Variants in NCEH1 observed in about 807,000 individuals in gnomAD.
The protein encoded by NCEH1 is 2-acetyl MAGE hydrolase.
In NCEH1, 9 loss-of-function variants were observed where a neutral mutation model predicts 25.4. The observed-to-expected ratio is 0.35, with a 90% CI of 0.21 to 0.62. The LOEUF (loss-of-function observed/expected upper bound fraction) is 0.62. NCEH1 is among the 20% of genes least tolerant of loss of function. The probability of loss-of-function intolerance (pLI) is 0.72; values close to 1 mark genes in which losing one functional copy is unlikely to be tolerated. For synonymous variants in NCEH1, 200 were observed against 199.8 expected, an observed-to-expected ratio of 1.00 and a Z score of -0.01; for missense variants, 412 against 501.1, an observed-to-expected ratio of 0.82 and a Z score of 1.70.
chr3:172,704,301 C>T (rs1713859826), intron 1 of NCEH1, among the ~76,000 whole-genome samples: 1 of 152,220 alleles, frequency 6.6e-6, no homozygotes, highest in Non-Finnish European at 1.5e-5. Context: ...AGGGGGAACA[C>T]TCAGCATAAA....
chr3:172,695,013 T>C (rs1418726916), intron 1 of NCEH1, among the ~76,000 whole-genome samples: 1 of 152,236 alleles, frequency 6.6e-6, no homozygotes, highest in Non-Finnish European at 1.5e-5. Flanking sequence ...ATCCAAGTAC[T>C]AGCACATAAT....
At chr3:172,636,747 G>T (rs910518350) in intron 3 of NCEH1, among the ~76,000 whole-genome samples, 14 of 152,204 alleles carry the variant, frequency 9.2e-5, no homozygotes, top group Non-Finnish European at 1.6e-4. Context: ...CACTTCGCAA[G>T]ATCAGAGTCC....
chr3:172,679,272 G>A (rs1445448708), intron 1 of NCEH1, among the ~76,000 whole-genome samples: 1 of 152,176 alleles, frequency 6.6e-6, no homozygotes, highest in East Asian at 1.9e-4. Context: ...CTAAATTGTC[G>A]GCTCTAAGAA....
intron 1 of NCEH1, among the ~76,000 whole-genome samples, chr3:172,708,991 A>G (rs1309674198): frequency 6.6e-6 from 1 of 152,198 alleles, no homozygotes; most frequent in Non-Finnish European, 1.5e-5. Flanking sequence ...AATTTAGAGG[A>G]GAAGTGATAA....
In NCEH1 at chr3:172,706,032, A is replaced by C. The variant is rs112239203; in HGVS notation, c.138+4815T>G. ...AACCAAAAAAAAAAAAAAAAAAAAAACCCATGTCTTGTTTGCAGGCTCTGG... is the reference window on the plus strand; with the variant it reads ...AACCAAAAAAAAAAAAAAAAAAAAACCCCATGTCTTGTTTGCAGGCTCTGG... On this transcript the variant is annotated intron_variant, in intron 1 of 4. Coordinates refer to ENST00000475381, the MANE Select transcript of NCEH1 (RefSeq NM_020792.6). Among the ~76,000 whole-genome samples, 721 of 119,022 alleles carry C rather than the reference A, an allele frequency of 6.1e-3. 6 individuals are homozygous for C. The highest frequency in any genetic ancestry group is 0.021 in the African/African-American group (687 of 33,176). 78.1% of individuals were successfully genotyped at this position (119,022 alleles called of 152,430 possible).
At chr3:172,675,333 A>AT (rs1213010986) in intron 1 of NCEH1, among the ~76,000 whole-genome samples, 41 of 151,810 alleles carry the variant, frequency 2.7e-4, no homozygotes, top group East Asian at 1.7e-3. Flanking sequence ...AAATAAATAA[A>AT]TAAATAAATG....
chr3:172,637,075 G>C (rs1435811014), intron 3 of NCEH1, among the ~76,000 whole-genome samples: 2 of 151,972 alleles, frequency 1.3e-5, no homozygotes, highest in Non-Finnish European at 2.9e-5. Flanking sequence ...GTTCTTATTG[G>C]CTCATATGAA....
chr3:172,667,242 ACT>A (rs1169978055), intron 1 of NCEH1, among the ~76,000 whole-genome samples: 1 of 152,154 alleles, frequency 6.6e-6, no homozygotes, highest in East Asian at 1.9e-4. Flanking sequence ...TAAGGCACCT[ACT>A]CTGTCTCCAA....
chr3:172,685,958 A>C (rs559218186), intron 1 of NCEH1, among the ~76,000 whole-genome samples: 1 of 152,316 alleles, frequency 6.6e-6, no homozygotes, highest in East Asian at 1.9e-4. Context: ...GGAGGACACA[A>C]CTTTGCAATG....
At chr3:172,703,857 C>G (rs953688101) in intron 1 of NCEH1, among the ~76,000 whole-genome samples, 2 of 152,224 alleles carry the variant, frequency 1.3e-5, no homozygotes, top group Non-Finnish European at 2.9e-5. Flanking sequence ...TCAGGTTGTT[C>G]ACCTGTCAGA....
chr3:172,661,225 T>C (rs536555186), intron 1 of NCEH1, among the ~76,000 whole-genome samples: 109 of 152,332 alleles, frequency 7.2e-4, no homozygotes, highest in African/African-American at 2.1e-3. Flanking sequence ...ATTTATTAAA[T>C]AGGGAATCCT....
intron 1 of NCEH1, among the ~76,000 whole-genome samples, chr3:172,659,339 G>T (rs146938322): frequency 9.1e-4 from 139 of 152,310 alleles, no homozygotes; most frequent in African/African-American, 3.0e-3. Flanking sequence ...ATCTGGTTAA[G>T]TTAGTTTACT....
intron 1 of NCEH1, among the ~76,000 whole-genome samples, chr3:172,699,731 G>GGTGT (rs1713580046): frequency 6.6e-6 from 1 of 152,102 alleles, no homozygotes; most frequent in Admixed American, 6.6e-5. Context: ...TGGGCATGGT[G>GGTGT]GTGTATGCCT....
intron 1 of NCEH1, among the ~76,000 whole-genome samples, chr3:172,671,218 T>C (rs1186218923): frequency 1.3e-5 from 2 of 152,180 alleles, no homozygotes; most frequent in Non-Finnish European, 2.9e-5. Flanking sequence ...ATTTGCAGAA[T>C]ACCATCCTTC....
intron 2 of NCEH1, among the ~76,000 whole-genome samples, chr3:172,646,259 G>A (rs796582495): frequency 2.0e-5 from 3 of 152,304 alleles, no homozygotes; most frequent in African/African-American, 4.8e-5. Flanking sequence ...GGAGGCTGAG[G>A]AAGGGGGATT....
In NCEH1 at chr3:172,668,888, A is replaced by C. The variant is rs192844139; in HGVS notation, c.139-20774T>G. On this transcript the variant is annotated intron_variant, in intron 1 of 4. Transcript: ENST00000475381. ...TAGGTATTAGGTCAGTATGATGAAA[A>C]ATGTAATGATGGAGCTTTACAAAAA... Among the ~76,000 whole-genome samples the C allele has an allele frequency of 9.8e-5, 15 of 152,318 alleles. No individual in the cohort carries two copies. In the East Asian group the frequency reaches 2.7e-3, roughly 27 times the overall value.
chr3:172,675,331 A>AAATAAATAAATAAATTAATT (rs1368844628), intron 1 of NCEH1, among the ~76,000 whole-genome samples: 2 of 150,374 alleles, frequency 1.3e-5, no homozygotes, highest in African/African-American at 5.0e-5. Context: ...ATAAATAAAT[A>AAATAAATAAATAAATTAATT]AATAAATAAA....
chr3:172,643,652 T>A (rs1212421980), intron 3 of NCEH1, among the ~76,000 whole-genome samples: 1 of 152,204 alleles, frequency 6.6e-6, no homozygotes, highest in East Asian at 1.9e-4. Context: ...TTGAGACAGA[T>A]GCTGATAAGG....
At chr3:172,659,079 CTG>C (rs1446506979) in intron 1 of NCEH1, among the ~76,000 whole-genome samples, 2 of 152,184 alleles carry the variant, frequency 1.3e-5, no homozygotes, top group Admixed American at 6.5e-5. Flanking sequence ...AAATGGTGAA[CTG>C]GATTTGAACC....
Sources: allele counts gnomAD v4.1 joint callset (sites outside exome capture counted in the v4.1 genomes callset), GRCh38; gene constraint gnomAD v4.1.1; transcripts MANE v1.5; gene names NCBI Gene and HGNC (gene_info 2026-07-23, HGNC 2026-07-21).